The following EYS variants were observed in gnomAD, a reference collection of about 807,000 sequenced individuals.
EYS encodes EGF-like photoreceptor maintenance factor, also known as protein eyes shut homolog.
Under a neutral mutation model 282.1 loss-of-function variants are expected in EYS, and 250 were observed. That is an observed-to-expected ratio of 0.89 (90% CI 0.80 to 0.98). EYS has a LOEUF of 0.98. Ranked by LOEUF, EYS falls within the 50% of genes least tolerant of loss-of-function variation. The pLI, the probability that EYS is intolerant of heterozygous loss-of-function variation, is 0.00. For missense variants in EYS, 4,016 were observed against 3,709.0 expected (o/e 1.08, Z -2.15); for synonymous variants, 1,355 against 1,282.9 (o/e 1.06, Z -1.20).
chr6:64,276,022 G>C (rs1768105079), intron 30 of EYS, among the ~76,000 whole-genome samples: 3 of 151,196 alleles, frequency 2.0e-5, no homozygotes, highest in Non-Finnish European at 4.4e-5. Context: ...TACTGTTATA[G>C]CTTCTTATCT....
In EYS at chr6:63,992,125, A is replaced by G. The variant is rs117132546; in HGVS notation, c.6834+6950T>C. On this transcript the variant is annotated intron_variant, in intron 34 of 42. Coordinates refer to ENST00000503581, the MANE Select transcript of EYS (RefSeq NM_001142800.2). The stretch of plus-strand genomic sequence containing the variant: ...TTTCCAGTTGAAATAGAAGAATACT[A>G]GACAACAACACAAAAACTTCTGAAA... Among the ~76,000 whole-genome samples, 495 of 152,006 alleles carry G rather than the reference A, an allele frequency of 3.3e-3. 6 individuals carry two copies. In the East Asian group the frequency reaches 0.072, roughly 22 times the overall value.
chr6:65,296,247 T>C, intron 11 of EYS, 128 bp from the exon 12 acceptor site: 1 of 1,021,754 alleles, frequency 9.8e-7, no homozygotes, highest in Non-Finnish European at 1.4e-6. Context: ...GTGGGGTGCA[T>C]TTAAAAAATA....
chr6:65,267,765 TCAAACAAA>T (rs370338988), intron 12 of EYS, among the ~76,000 whole-genome samples: 8 of 151,814 alleles, frequency 5.3e-5, no homozygotes, highest in South Asian at 2.1e-4. Flanking sequence ...ACTTTAAAAT[TCAAACAAA>T]CAAACAAACA....
intron 2 of EYS, among the ~76,000 whole-genome samples, chr6:65,638,530 G>A (rs1296539640): frequency 6.6e-6 from 1 of 152,198 alleles, no homozygotes; most frequent in African/African-American, 2.4e-5. Flanking sequence ...GTGGTTCCTG[G>A]CGTCTCGAAG....
At chr6:64,664,024 G>A (rs1769141204) in intron 22 of EYS, among the ~76,000 whole-genome samples, 1 of 152,218 alleles carries the variant, frequency 6.6e-6, no homozygotes. Flanking sequence ...AAGCGCAGCA[G>A]ACACCCTGCC....
intron 26 of EYS, among the ~76,000 whole-genome samples, chr6:64,443,804 A>G (rs1366025938): frequency 6.6e-6 from 1 of 152,158 alleles, no homozygotes; most frequent in Non-Finnish European, 1.5e-5. Flanking sequence ...AGGCCTCCCC[A>G]GCCATGTGGA....
intron 28 of EYS, among the ~76,000 whole-genome samples, chr6:64,399,041 C>G (rs1773466719): frequency 6.6e-6 from 1 of 151,740 alleles, no homozygotes; most frequent in African/African-American, 2.4e-5. Flanking sequence ...TAATAATTCT[C>G]TAAAATTTAA....
intron 1 of EYS, among the ~76,000 whole-genome samples, chr6:65,705,591 T>C (rs1038191635): frequency 4.6e-5 from 7 of 152,204 alleles, no homozygotes; most frequent in Non-Finnish European, 8.8e-5. Flanking sequence ...TTATTCCCTA[T>C]GCTCACAAGT....
intron 12 of EYS, among the ~76,000 whole-genome samples, chr6:65,288,601 A>G (rs1306085091): frequency 6.6e-6 from 1 of 151,074 alleles, no homozygotes; most frequent in South Asian, 2.1e-4. Flanking sequence ...GGAGAATTCA[A>G]CACACGAGAG....
At chr6:65,675,739 G>C (rs756462971) in intron 1 of EYS, among the ~76,000 whole-genome samples, 11 of 151,954 alleles carry the variant, frequency 7.2e-5, no homozygotes, top group Non-Finnish European at 1.6e-4. Context: ...CAACACTATA[G>C]TCTGATTGAA....
In EYS at chr6:64,813,401, C is replaced by A. The variant is rs1325335839; in HGVS notation, c.3420G>T (p.Gly1140=). The A allele has an allele frequency of 1.9e-6, 3 of 1,546,836 alleles. No individual in the cohort carries two copies. Among genetic ancestry groups the A allele is most frequent in the South Asian group, 1.2e-5 (1 of 83,354 alleles). ...ACCTGCAGTCAAAAGTATGTCCAGG[C>A]CCATCAACACAGATCCCTCCATTAA... ...ICLNGGICVD[G]PGHTFDCRCL... is the part of the protein sequence containing the mutation. Residue 1140 remains glycine (G), a synonymous_variant, in exon 22 of 43, where the codon GGG becomes GGT. Transcript: ENST00000503581.
At chr6:65,436,961 C>T (rs1250604664) in intron 5 of EYS, among the ~76,000 whole-genome samples, 1 of 151,896 alleles carries the variant, frequency 6.6e-6, no homozygotes, top group Non-Finnish European at 1.5e-5. Context: ...CTGTAGCAAG[C>T]ATAAAGGGAA....
Position 64,110,427 on chromosome 6 carries a change from T to G in EYS, c.6425-28425A>C, listed in dbSNP as rs1179073532. ...GTTATAAAAAATGTTGGTGGATGAC[T>G]CTGTGTGTGTGTGTTTGTAGATCAG... On this transcript the variant is annotated intron_variant, in intron 31 of 42. Coordinates refer to ENST00000503581, the MANE Select transcript of EYS (RefSeq NM_001142800.2). Among the ~76,000 whole-genome samples, 2 of 151,834 alleles carry G rather than the reference T, an allele frequency of 1.3e-5. 1 individual carries two copies. The highest frequency in any genetic ancestry group is 4.8e-5 in the African/African-American group (2 of 41,266).
At chr6:64,969,223 GTC>G (rs1770206958) in intron 14 of EYS, among the ~76,000 whole-genome samples, 1 of 152,160 alleles carries the variant, frequency 6.6e-6, no homozygotes, top group Non-Finnish European at 1.5e-5. Flanking sequence ...AAAGAAAAAA[GTC>G]TCTGTCAGTG....
intron 12 of EYS, among the ~76,000 whole-genome samples, chr6:65,063,811 T>G (rs1033976759): frequency 6.6e-6 from 1 of 152,030 alleles, no homozygotes; most frequent in Admixed American, 6.6e-5. Context: ...GTTGTTAGTT[T>G]ACAGTACAGC....
intron 31 of EYS, among the ~76,000 whole-genome samples, chr6:64,177,231 T>A (rs1764663650): frequency 6.6e-6 from 1 of 151,678 alleles, no homozygotes; most frequent in South Asian, 2.1e-4. Context: ...AAAACATCCA[T>A]TTTTTTCTCC....
At chr6:64,825,482 G>T (rs111511751) in intron 19 of EYS, among the ~76,000 whole-genome samples, 43 of 151,888 alleles carry the variant, frequency 2.8e-4, no homozygotes, top group Middle Eastern at 3.4e-3. Flanking sequence ...GTGTGTGTGG[G>T]TTTATGTGTG....
chr6:64,366,303 G>A (rs1772176886), intron 29 of EYS, among the ~76,000 whole-genome samples: 1 of 151,920 alleles, frequency 6.6e-6, no homozygotes, highest in Non-Finnish European at 1.5e-5. Flanking sequence ...TCCAAAAAGG[G>A]AGCTACCATG....
intron 31 of EYS, among the ~76,000 whole-genome samples, chr6:64,228,313 A>T (rs952789624): frequency 6.6e-6 from 1 of 152,214 alleles, no homozygotes; most frequent in African/African-American, 2.4e-5. Flanking sequence ...CTGAACATGC[A>T]TATCATATGG....
Sources: allele counts gnomAD v4.1 joint callset (sites outside exome capture counted in the v4.1 genomes callset), GRCh38; gene constraint gnomAD v4.1.1; transcripts MANE v1.5; gene names NCBI Gene and HGNC (gene_info 2026-07-23, HGNC 2026-07-21).